Variants in ZDHHC15 observed in about 807,000 individuals in gnomAD.
ZDHHC15 encodes the protein palmitoyltransferase ZDHHC15.
ZDHHC15 carries 19 observed loss-of-function variants against 31.7 expected under a neutral mutation model. The observed-to-expected ratio is 0.60, with a 90% CI of 0.42 to 0.88. The LOEUF (loss-of-function observed/expected upper bound fraction) is 0.88, where lower values mean the gene tolerates loss of function less well. ZDHHC15 is among the 40% of genes least tolerant of loss of function. The pLI is 0.00. For synonymous variants in ZDHHC15, 103 were observed against 90.0 expected, an observed-to-expected ratio of 1.14 and a Z score of -0.82; for missense variants, 209 against 251.2, an observed-to-expected ratio of 0.83 and a Z score of 1.14.
At chrX:75,481,309 A>G (rs995953249) in intron 2 of ZDHHC15, among the ~76,000 whole-genome samples, 7 of 111,539 alleles carry the variant, frequency 6.3e-5, no homozygotes, top group Non-Finnish European at 1.1e-4. Flanking sequence ...TGGTTAACCA[A>G]TTTGGATCAC....
At chrX:75,498,837 T>A (rs2085048325) in intron 2 of ZDHHC15, among the ~76,000 whole-genome samples, 1 of 111,681 alleles carries the variant, frequency 9.0e-6, no homozygotes, top group African/African-American at 3.2e-5. Context: ...AGAAAGGCTA[T>A]GCAAAAAGAA....
chrX:75,430,040 A>C, intron 5 of ZDHHC15, 60 bp from the exon 6 acceptor site: 486 of 1,109,678 alleles, frequency 4.4e-4, no homozygotes, highest in Non-Finnish European at 5.6e-4. Flanking sequence ...GCAACATCTC[A>C]TAATTAAACT....
chrX:75,429,200 T>TA lies in ZDHHC15; in HGVS notation c.483-3dup, dbSNP rs773363655. The TA allele has an allele frequency of 2.0e-4, 232 of 1,159,082 alleles. No individual in the cohort carries two copies. The highest frequency in any genetic ancestry group is 1.1e-3 in the Admixed American group (43 of 38,772). ...GAAAATCCAATGCAGTTATTAACCCTAAAAAAAAAGAAAAACTAATTTGAC... is the reference window on the plus strand; with the variant it reads ...GAAAATCCAATGCAGTTATTAACCCTAAAAAAAAAAGAAAAACTAATTTGAC... On this transcript the variant is annotated splice_region_variant and splice_polypyrimidine_tract_variant and intron_variant, in intron 6 of 11. Transcript: ENST00000373367.
In ZDHHC15 at chrX:75,478,770, GTTCT is replaced by G. The variant is rs1437091900; in HGVS notation, c.258+117_258+120del. ...CCTCAATTCACCTTTATCACTAGGA[GTTCT>G]TTAAGATTACCCTGACTCTTTCGTA... On this transcript the variant is annotated intron_variant, in intron 3 of 11. Coordinates refer to ENST00000373367, the MANE Select transcript of ZDHHC15 (RefSeq NM_144969.3). 4 of 516,339 alleles carry G rather than the reference GTTCT, an allele frequency of 7.7e-6. No homozygotes were observed. The African/African-American group carries it at 9.8e-5, about 13-fold the overall frequency. The allele number at this position is 516,339 out of a possible 1,213,427, so 42.6% of individuals were successfully genotyped here.
chrX:75,384,689 G>T (rs2083161030), intron 10 of ZDHHC15: 5 of 821,220 alleles, frequency 6.1e-6, no homozygotes, highest in South Asian at 4.2e-5. Flanking sequence ...AATGATCAGA[G>T]AAAGAAATAA....
intron 3 of ZDHHC15, among the ~76,000 whole-genome samples, chrX:75,462,236 A>G (rs1005888935): frequency 5.3e-5 from 6 of 112,523 alleles, no homozygotes; most frequent in Non-Finnish European, 9.4e-5. Context: ...CTTTCTAAAT[A>G]TATATGCACC....
chrX:75,488,134 C>T (rs142942441), intron 2 of ZDHHC15, among the ~76,000 whole-genome samples: 1 of 111,871 alleles, frequency 8.9e-6, no homozygotes, highest in African/African-American at 3.2e-5. Flanking sequence ...CCTGGTCTTG[C>T]TACTGATCTA....
intron 1 of ZDHHC15, among the ~76,000 whole-genome samples, chrX:75,509,988 T>A (rs987961109): frequency 8.9e-6 from 1 of 111,759 alleles, no homozygotes; most frequent in Non-Finnish European, 1.9e-5. Flanking sequence ...TAGATGTTTC[T>A]TAGATTCTAG....
intron 1 of ZDHHC15, among the ~76,000 whole-genome samples, chrX:75,510,427 G>A (rs191129580): frequency 1.7e-3 from 182 of 106,198 alleles, no homozygotes; most frequent in African/African-American, 6.0e-3. Flanking sequence ...AGGCTTGAAT[G>A]GATACTTTTA....
chrX:75,383,594 T>C (rs1354760812), intron 10 of ZDHHC15, among the ~76,000 whole-genome samples: 2 of 111,284 alleles, frequency 1.8e-5, no homozygotes, highest in Non-Finnish European at 3.8e-5. Context: ...CGGGAAATCA[T>C]TGTATCCTTT....
At chrX:75,506,309 T>C (rs2085162904) in intron 1 of ZDHHC15, among the ~76,000 whole-genome samples, 1 of 111,620 alleles carries the variant, frequency 9.0e-6, no homozygotes, top group Non-Finnish European at 1.9e-5. Context: ...CAAAAGATGG[T>C]TTTCATACAA....
intron 10 of ZDHHC15, among the ~76,000 whole-genome samples, chrX:75,401,940 C>A (rs999142244): frequency 8.9e-6 from 1 of 112,368 alleles, no homozygotes; most frequent in African/African-American, 3.2e-5. Context: ...AATATAAATT[C>A]TTCTCATTGC....
intron 3 of ZDHHC15, among the ~76,000 whole-genome samples, chrX:75,468,485 T>C (rs1056826504): frequency 8.9e-6 from 1 of 112,351 alleles, no homozygotes; most frequent in Non-Finnish European, 1.9e-5. Flanking sequence ...AAATTTGGAC[T>C]GTTTCTACCT....
intron 3 of ZDHHC15, 61 bp from the exon 4 acceptor site, chrX:75,450,983 C>T: frequency 4.4e-6 from 5 of 1,137,403 alleles, no homozygotes; most frequent in Non-Finnish European, 5.9e-6. Context: ...AGATTAAAAC[C>T]AACAACAATA....
chrX:75,493,257 C>A (rs925523326), intron 2 of ZDHHC15, among the ~76,000 whole-genome samples: 12 of 111,688 alleles, frequency 1.1e-4, no homozygotes, highest in Non-Finnish European at 2.3e-4. Flanking sequence ...TCTGAATAGA[C>A]CAATAAGAGG....
rs901675876 is a variant in ZDHHC15, at chrX:75,372,311, C to T, written c.*667G>A. On this transcript the variant is annotated 3_prime_UTR_variant, in exon 12 of 12. Coordinates refer to ENST00000373367, the MANE Select transcript of ZDHHC15 (RefSeq NM_144969.3). ...AACATTTGTGACAGAACAGGTTTTA[C>T]ATTGTTGTTCAAATTCCAATTTGAG... is the stretch of plus-strand genomic sequence containing the variant. The T allele has an allele frequency of 1.6e-4, 18 of 111,893 alleles. No homozygotes were observed. The highest frequency in any genetic ancestry group is 5.2e-4 in the African/African-American group (16 of 30,870). The allele number at this position is 111,893 out of a possible 1,213,427, so 9.2% of individuals were successfully genotyped here.
At chrX:75,416,530 A>C (rs1413830366) in intron 10 of ZDHHC15, among the ~76,000 whole-genome samples, 1 of 112,198 alleles carries the variant, frequency 8.9e-6, no homozygotes, top group Admixed American at 9.5e-5. Context: ...AGCTCTTTAC[A>C]AAATGCCTTA....
intron 10 of ZDHHC15, among the ~76,000 whole-genome samples, chrX:75,407,796 G>T (rs974349514): frequency 2.7e-5 from 3 of 112,876 alleles, no homozygotes; most frequent in East Asian, 2.8e-4. Context: ...AAAAGAAAGA[G>T]AAATCAGATT....
At chrX:75,383,795 G>T (rs957598356) in intron 10 of ZDHHC15, among the ~76,000 whole-genome samples, 14 of 88,385 alleles carry the variant, frequency 1.6e-4, no homozygotes, top group Non-Finnish European at 2.1e-4. Flanking sequence ...CTGGAGTGCA[G>T]TGTTGCAATC....
Sources: gnomAD v4.1 joint callset for allele counts (sites outside exome capture counted in the v4.1 genomes callset) on GRCh38, gnomAD v4.1.1 for gene constraint, MANE v1.5 for transcripts, NCBI Gene and HGNC (gene_info 2026-07-23, HGNC 2026-07-21) for gene names.